BMPR1A: variants seen among roughly 807,000 people sequenced by gnomAD.
The protein encoded by BMPR1A is bone morphogenetic protein receptor type 1A, also known as bone morphogenetic protein receptor type-1A.
A neutral mutation model predicts 66.0 loss-of-function variants in BMPR1A; 7 were observed. The observed-to-expected ratio is 0.11, with a 90% CI of 0.06 to 0.20. The LOEUF is 0.20. BMPR1A is among the 10% of genes least tolerant of loss of function. BMPR1A has a pLI of 1.00. For synonymous variants in BMPR1A, 200 were observed against 229.7 expected (o/e 0.87, Z 1.17); for missense variants, 408 against 669.1 (o/e 0.61, Z 4.31).
intron 1 of BMPR1A, among the ~76,000 whole-genome samples, chr10:86,798,169 T>C (rs1280445285): frequency 7.5e-6 from 1 of 133,930 alleles, no homozygotes; most frequent in African/African-American, 2.5e-5. Context: ...CCTTTTTTAG[T>C]CCTATTTTTT....
At chr10:86,830,562 G>A (rs1480516750) in intron 1 of BMPR1A, among the ~76,000 whole-genome samples, 4 of 152,046 alleles carry the variant, frequency 2.6e-5, no homozygotes, top group Non-Finnish European at 4.4e-5. Context: ...TTTGGTTTGC[G>A]TTTCCCTGAT....
intron 1 of BMPR1A, among the ~76,000 whole-genome samples, chr10:86,815,965 A>C (rs1419141205): frequency 6.6e-6 from 1 of 152,188 alleles, no homozygotes; most frequent in Non-Finnish European, 1.5e-5. Flanking sequence ...TGGTCATAGG[A>C]TTCATTTGAT....
chr10:86,757,016 G>A (rs1418582436), intron 1 of BMPR1A, 97 bp downstream of exon 1: 1 of 151,040 alleles, frequency 6.6e-6, no homozygotes, highest in Non-Finnish European at 1.5e-5. Context: ...GGCGCGCGGT[G>A]GCCGGAGCCA....
intron 1 of BMPR1A, among the ~76,000 whole-genome samples, chr10:86,774,093 G>A (rs112435910): frequency 0.026 from 3,926 of 151,966 alleles, 174 homozygotes; most frequent in African/African-American, 0.09. Context: ...TCAGATGATC[G>A]CCCGCCTCGG....
chr10:86,838,756 T>A (rs1028228000), intron 1 of BMPR1A, 109 bp from the exon 2 acceptor site: 1 of 152,222 alleles, frequency 6.6e-6, no homozygotes, highest in African/African-American at 2.4e-5. Context: ...TTGACTTTAC[T>A]TTGAAAATGT....
At chr10:86,886,948 A>G (rs1170164630) in intron 3 of BMPR1A, among the ~76,000 whole-genome samples, 2 of 149,354 alleles carry the variant, frequency 1.3e-5, no homozygotes, top group Non-Finnish European at 3.0e-5. Flanking sequence ...GTCCTGCCTC[A>G]GCCACCTGAA....
intron 1 of BMPR1A, among the ~76,000 whole-genome samples, chr10:86,809,156 A>G (rs1042259596): frequency 1.3e-5 from 2 of 152,222 alleles, no homozygotes; most frequent in South Asian, 4.1e-4. Context: ...AAATTATAAA[A>G]TATGCATAAC....
intron 1 of BMPR1A, among the ~76,000 whole-genome samples, chr10:86,802,454 A>G (rs760177078): frequency 1.3e-4 from 20 of 152,248 alleles, no homozygotes; most frequent in Non-Finnish European, 2.4e-4. Flanking sequence ...TACTGCACAT[A>G]CAAATGCTTG....
intron 2 of BMPR1A, chr10:86,854,641 G>T: frequency 5.7e-6 from 1 of 175,434 alleles, no homozygotes. Context: ...TTGCTATGAT[G>T]AGTTTTCCAA....
intron 8 of BMPR1A, among the ~76,000 whole-genome samples, chr10:86,913,289 ATTTT>A (rs36002213): frequency 2.5e-5 from 3 of 119,076 alleles, no homozygotes; most frequent in African/African-American, 3.3e-5. Context: ...CACCAGGCTA[ATTTT>A]TTTTTTTTTT....
chr10:86,874,629 G>A (rs1170512305), intron 2 of BMPR1A, among the ~76,000 whole-genome samples: 1 of 150,286 alleles, frequency 6.7e-6, no homozygotes, highest in Non-Finnish European at 1.5e-5. Flanking sequence ...GGATGGTCTC[G>A]ATCTCCTGAC....
At chr10:86,860,934 C>T (rs1201042971) in intron 2 of BMPR1A, among the ~76,000 whole-genome samples, 7 of 150,344 alleles carry the variant, frequency 4.7e-5, no homozygotes, top group South Asian at 2.2e-4. Context: ...CTCCACCTCC[C>T]GGGTTCATGC....
chr10:86,808,739 A>G (rs1471660822), intron 1 of BMPR1A, among the ~76,000 whole-genome samples: 1 of 152,164 alleles, frequency 6.6e-6, no homozygotes, highest in African/African-American at 2.4e-5. Flanking sequence ...CACTTCCTTA[A>G]ATGTACAAAG....
intron 1 of BMPR1A, among the ~76,000 whole-genome samples, chr10:86,832,657 G>A (rs1020131864): frequency 1.3e-5 from 2 of 152,000 alleles, no homozygotes; most frequent in South Asian, 2.1e-4. Context: ...ACATTTATGC[G>A]TTGGAAACAT....
At chr10:86,871,461 C>A (rs578215041) in intron 2 of BMPR1A, among the ~76,000 whole-genome samples, 10 of 152,292 alleles carry the variant, frequency 6.6e-5, no homozygotes, top group Admixed American at 5.9e-4. Context: ...ATTAATAATT[C>A]AACGGCAAGA....
At chr10:86,813,377 A>G (rs1402947456) in intron 1 of BMPR1A, among the ~76,000 whole-genome samples, 1 of 152,152 alleles carries the variant, frequency 6.6e-6, no homozygotes, top group Non-Finnish European at 1.5e-5. Flanking sequence ...TTCAGTGGGA[A>G]ATGGTATTTC....
At chr10:86,792,072 T>C (rs2132793987) in intron 1 of BMPR1A, among the ~76,000 whole-genome samples, 1 of 145,122 alleles carries the variant, frequency 6.9e-6, no homozygotes, top group East Asian at 2.0e-4. Context: ...TCTTTTTTTT[T>C]TTTTTTTTTT....
intron 1 of BMPR1A, among the ~76,000 whole-genome samples, chr10:86,771,645 A>T: frequency 6.6e-6 from 1 of 152,232 alleles, no homozygotes; most frequent in East Asian, 1.9e-4. Context: ...GAATTTTAAG[A>T]TGAGGATGTG....
intron 5 of BMPR1A, among the ~76,000 whole-genome samples, chr10:86,895,173 T>C (rs913578896): frequency 6.6e-6 from 1 of 152,246 alleles, no homozygotes; most frequent in African/African-American, 2.4e-5. Flanking sequence ...TGCTGGATCA[T>C]TGAAAATAAT....
Sources: gnomAD v4.1 joint callset for allele counts (sites outside exome capture counted in the v4.1 genomes callset) on GRCh38, gnomAD v4.1.1 for gene constraint, MANE v1.5 for transcripts, NCBI Gene and HGNC (gene_info 2026-07-23, HGNC 2026-07-21) for gene names.